Variants in SNX6 observed in about 807,000 individuals in gnomAD.
SNX6 encodes the protein sorting nexin-6.
A neutral mutation model predicts 63.0 loss-of-function variants in SNX6; 34 were observed. The ratio of observed to expected loss-of-function variants is 0.54; its 90% CI spans 0.41 to 0.72. The LOEUF is 0.72. Ranked by LOEUF, SNX6 falls within the 30% of genes least tolerant of loss-of-function variation. The probability of loss-of-function intolerance (pLI) is 0.00; values close to 1 mark genes in which losing one functional copy is unlikely to be tolerated. For synonymous variants in SNX6, 170 were observed against 164.2 expected (o/e 1.04, Z -0.27); for missense variants, 398 against 471.4 (o/e 0.84, Z 1.44).
chr14:34,608,723 A>T (rs1208007070), intron 3 of SNX6, among the ~76,000 whole-genome samples: 4 of 152,140 alleles, frequency 2.6e-5, no homozygotes, highest in African/African-American at 9.7e-5. Flanking sequence ...AAGAACTGAA[A>T]TCTAATAAAA....
intron 11 of SNX6, among the ~76,000 whole-genome samples, chr14:34,573,438 G>T (rs183215715): frequency 3.3e-5 from 5 of 152,020 alleles, no homozygotes; most frequent in Admixed American, 6.6e-5. Context: ...ATCCAGGCAT[G>T]GTGGCAAGTG....
intron 13 of SNX6, among the ~76,000 whole-genome samples, chr14:34,563,982 G>A (rs1267942752): frequency 4.6e-5 from 7 of 151,976 alleles, no homozygotes; most frequent in Non-Finnish European, 8.8e-5. Flanking sequence ...CAGGTGATCC[G>A]CCTACCTCAG....
intron 2 of SNX6, among the ~76,000 whole-genome samples, chr14:34,614,366 G>T (rs1427143264): frequency 6.6e-6 from 1 of 151,814 alleles, no homozygotes. Context: ...GAACTCAGGA[G>T]GTCGAGGCTG....
chr14:34,568,956 A>G (rs1360467289), intron 11 of SNX6: 1 of 1,373,528 alleles, frequency 7.3e-7, no homozygotes, highest in Non-Finnish European at 1.0e-6. Context: ...CTGTGGAAGC[A>G]GCTCGCGTGT....
chr14:34,564,828 C>CAAA, intron 13 of SNX6, among the ~76,000 whole-genome samples: 1 of 97,738 alleles, frequency 1.0e-5, no homozygotes, highest in African/African-American at 3.7e-5. Context: ...AACTAAGTAT[C>CAAA]AAAAAAAAAA....
chr14:34,580,884 G>A (rs1881908272), intron 10 of SNX6, among the ~76,000 whole-genome samples: 1 of 151,714 alleles, frequency 6.6e-6, no homozygotes, highest in Admixed American at 6.6e-5. Flanking sequence ...TCAAATTCCT[G>A]GACTCAAGAG....
intron 6 of SNX6, among the ~76,000 whole-genome samples, chr14:34,599,606 TA>T (rs143732306): frequency 6.3e-3 from 781 of 123,334 alleles, no homozygotes; most frequent in Middle Eastern, 8.3e-3. Context: ...AAACTCTGTC[TA>T]AAAAAAAAAA....
In SNX6 at chr14:34,567,983, C is replaced by T. The variant is rs1268269801; in HGVS notation, c.952G>A (p.Val318Met). Residue 318 changes from valine (V) to methionine (M), a missense_variant, in exon 12 of 14, where the codon GTG (valine) becomes ATG (methionine). Coordinates refer to ENST00000362031, the MANE Select transcript of SNX6 (RefSeq NM_152233.4). ...GCTTTATTAGCATTTTCATAATCCA[C>T]TAGTGACCTAGACCTTCGATACAGG... ...DLLYRRSRSL[V>M]DYENANKALD... The T allele has an allele frequency of 9.3e-6, 15 of 1,611,872 alleles. No homozygotes were observed. The highest frequency in any genetic ancestry group is 1.3e-5 in the Non-Finnish European group (15 of 1,179,944).
At chr14:34,565,108 T>C (rs35194168) in intron 13 of SNX6, among the ~76,000 whole-genome samples, 55,166 of 147,792 alleles carry the variant, frequency 0.37, 12,129 homozygotes, top group East Asian at 0.74. Context: ...GAAGGAGTCT[T>C]GCTCTGTCAC....
At chr14:34,586,062 C>G (rs1196660822) in intron 9 of SNX6, among the ~76,000 whole-genome samples, 168 bp downstream of exon 9, 3 of 152,004 alleles carry the variant, frequency 2.0e-5, no homozygotes, top group Non-Finnish European at 2.9e-5. Flanking sequence ...GTCACCCCGC[C>G]TGGCTAATTT....
chr14:34,614,085 A>C (rs889050364), intron 2 of SNX6, among the ~76,000 whole-genome samples: 2 of 150,710 alleles, frequency 1.3e-5, no homozygotes, highest in Non-Finnish European at 3.0e-5. Context: ...CCAGCCTGGA[A>C]GACAGAGCGA....
At chr14:34,617,971 C>G (rs1301966042) in intron 2 of SNX6, among the ~76,000 whole-genome samples, 15 of 151,702 alleles carry the variant, frequency 9.9e-5, no homozygotes, top group Admixed American at 9.2e-4. Context: ...ACTATACTGA[C>G]TAGTGTACTA....
intron 2 of SNX6, among the ~76,000 whole-genome samples, chr14:34,611,433 T>G (rs1240962344): frequency 6.7e-6 from 1 of 149,806 alleles, no homozygotes; most frequent in Non-Finnish European, 1.5e-5. Context: ...GCTGAAATCA[T>G]GCCACTTCAC....
intron 7 of SNX6, 45 bp from the exon 8 acceptor site, chr14:34,593,195 TTA>T: frequency 8.2e-7 from 1 of 1,218,606 alleles, no homozygotes; most frequent in South Asian, 1.4e-5. Context: ...CTTATTTGCT[TTA>T]GTTTTATATG....
intron 8 of SNX6, 99 bp downstream of exon 8, chr14:34,592,946 G>A: frequency 1.2e-6 from 1 of 836,558 alleles, no homozygotes; most frequent in Non-Finnish European, 1.9e-6. Context: ...AGACCAGTTT[G>A]AGAACTACTG....
chr14:34,563,926 A>C (rs1366424532), intron 13 of SNX6, among the ~76,000 whole-genome samples: 2 of 152,090 alleles, frequency 1.3e-5, no homozygotes, highest in Non-Finnish European at 2.9e-5. Flanking sequence ...TTTAGTAGAG[A>C]CGGGGTTTTG....
intron 8 of SNX6, among the ~76,000 whole-genome samples, chr14:34,592,026 G>A (rs750727774): frequency 6.6e-6 from 1 of 152,182 alleles, no homozygotes; most frequent in Non-Finnish European, 1.5e-5. Context: ...GTATACCCAA[G>A]GGTAGAGATT....
intron 7 of SNX6, among the ~76,000 whole-genome samples, chr14:34,595,685 C>A (rs1015034278): frequency 3.3e-5 from 5 of 152,154 alleles, no homozygotes; most frequent in Admixed American, 1.3e-4. Flanking sequence ...GCAGCCACAG[C>A]ACATGCACTG....
chr14:34,627,486 CT>C (rs1883875888), intron 2 of SNX6, among the ~76,000 whole-genome samples: 4 of 149,662 alleles, frequency 2.7e-5, no homozygotes, highest in African/African-American at 9.9e-5. Context: ...TCTTTTTTTT[CT>C]TTTTTTGAGA....
Sources: gnomAD v4.1 joint callset for allele counts (sites outside exome capture counted in the v4.1 genomes callset) on GRCh38, gnomAD v4.1.1 for gene constraint, MANE v1.5 for transcripts, NCBI Gene and HGNC (gene_info 2026-07-23, HGNC 2026-07-21) for gene names.